NR2C2: variants seen among roughly 807,000 people sequenced by gnomAD.
NR2C2 encodes the protein nuclear receptor subfamily 2 group C member 2, also known as Nuclear hormone receptor TR4.
Under a neutral mutation model 62.9 loss-of-function variants are expected in NR2C2, and 6 were observed. The observed-to-expected ratio is 0.10, with a 90% CI of 0.05 to 0.19. The LOEUF (loss-of-function observed/expected upper bound fraction) is 0.19, where lower values mean the gene tolerates loss of function less well. NR2C2 is among the 10% of genes least tolerant of loss of function. NR2C2 has a pLI of 1.00. For missense variants in NR2C2, 479 were observed against 762.7 expected, an observed-to-expected ratio of 0.63 and a Z score of 4.38; for synonymous variants, 272 against 273.8, an observed-to-expected ratio of 0.99 and a Z score of 0.07.
At chr3:15,042,562 T>C (rs2042306068) in intron 13 of NR2C2, 1 of 332,416 alleles carries the variant, frequency 3.0e-6, no homozygotes, top group African/African-American at 2.1e-5. Flanking sequence ...TTGATGAATT[T>C]CCAGGTTTTC....
intron 11 of NR2C2, among the ~76,000 whole-genome samples, chr3:15,035,442 T>C (rs1221876072): frequency 6.6e-6 from 1 of 152,286 alleles, no homozygotes; most frequent in Non-Finnish European, 1.5e-5. Context: ...TCACAGCTGA[T>C]ATTTTCATCT....
chr3:15,021,715 C>G (rs2041671515), intron 5 of NR2C2, among the ~76,000 whole-genome samples: 4 of 152,226 alleles, frequency 2.6e-5, no homozygotes, highest in Non-Finnish European at 5.9e-5. Context: ...GCCGAGGACC[C>G]AGGACTGCAG....
chr3:14,990,411 T>G (rs961128564), intron 1 of NR2C2, among the ~76,000 whole-genome samples: 1 of 152,212 alleles, frequency 6.6e-6, no homozygotes. Context: ...ACAAACTGTT[T>G]CAGCAGCTGG....
intron 11 of NR2C2, among the ~76,000 whole-genome samples, chr3:15,037,444 CAT>C (rs1312628206): frequency 6.6e-6 from 1 of 152,072 alleles, no homozygotes; most frequent in African/African-American, 2.4e-5. Context: ...AATGAAATAA[CAT>C]ATAAAATTGT....
chr3:15,032,776 A>G (rs760084674), intron 10 of NR2C2, among the ~76,000 whole-genome samples: 2 of 152,200 alleles, frequency 1.3e-5, no homozygotes, highest in Non-Finnish European at 2.9e-5. Context: ...AGGCAAGGGT[A>G]GTCCCCAGCA....
At chr3:15,017,035 C>T (rs916340949) in intron 4 of NR2C2, among the ~76,000 whole-genome samples, 8 of 152,182 alleles carry the variant, frequency 5.3e-5, no homozygotes, top group Non-Finnish European at 1.2e-4. Context: ...GGCCTGTGTT[C>T]TGTGATGGCT....
intron 5 of NR2C2, among the ~76,000 whole-genome samples, chr3:15,021,864 A>G (rs1020919459): frequency 2.0e-5 from 3 of 152,228 alleles, no homozygotes; most frequent in Non-Finnish European, 4.4e-5. Flanking sequence ...ATAAATGGAA[A>G]TGTATTTTTT....
intron 1 of NR2C2, among the ~76,000 whole-genome samples, chr3:14,956,593 G>A (rs1009626521): frequency 6.6e-6 from 1 of 152,048 alleles, no homozygotes; most frequent in Non-Finnish European, 1.5e-5. Context: ...GCCCAGGCTG[G>A]AGTGCAGTGG....
intron 1 of NR2C2, among the ~76,000 whole-genome samples, chr3:14,999,193 A>G (rs909702797): frequency 1.3e-5 from 2 of 152,110 alleles, no homozygotes; most frequent in Admixed American, 1.3e-4. Flanking sequence ...GCTCATGCCT[A>G]TAATCTCAGC....
chr3:14,983,945 A>G (rs112232824), intron 1 of NR2C2, among the ~76,000 whole-genome samples: 2,091 of 152,084 alleles, frequency 0.014, 51 homozygotes, highest in African/African-American at 0.048. Flanking sequence ...TTGGAGTGCA[A>G]TGGCGCGATC....
chr3:14,979,343 T>G (rs2040296629), intron 1 of NR2C2, among the ~76,000 whole-genome samples: 1 of 152,236 alleles, frequency 6.6e-6, no homozygotes, highest in African/African-American at 2.4e-5. Flanking sequence ...ATTTCATTAA[T>G]GTATCCATTC....
At chr3:14,997,627 A>G (rs1458248361) in intron 1 of NR2C2, among the ~76,000 whole-genome samples, 1 of 152,060 alleles carries the variant, frequency 6.6e-6, no homozygotes, top group Non-Finnish European at 1.5e-5. Context: ...TTTCTTAGCC[A>G]AGAGAGAGCT....
At chr3:14,956,136 C>G (rs1253115804) in intron 1 of NR2C2, among the ~76,000 whole-genome samples, 1 of 152,160 alleles carries the variant, frequency 6.6e-6, no homozygotes, top group Admixed American at 6.6e-5. Context: ...CTAAACTTAA[C>G]CTTAGAGGCA....
At chr3:15,028,899 A>G (rs1196177284) in intron 8 of NR2C2, among the ~76,000 whole-genome samples, 180 bp downstream of exon 8, 1 of 152,214 alleles carries the variant, frequency 6.6e-6, no homozygotes, top group Non-Finnish European at 1.5e-5. Flanking sequence ...AGACCCACCT[A>G]TGTTATACAG....
intron 2 of NR2C2, among the ~76,000 whole-genome samples, chr3:15,012,525 TG>T (rs1207199592): frequency 6.9e-6 from 1 of 145,892 alleles, no homozygotes; most frequent in Non-Finnish European, 1.5e-5. Context: ...TGCGTCCGGC[TG>T]GAGTTCCATT....
chr3:14,978,143 C>T (rs1288258809), intron 1 of NR2C2, among the ~76,000 whole-genome samples: 1 of 152,118 alleles, frequency 6.6e-6, no homozygotes, highest in Non-Finnish European at 1.5e-5. Context: ...CATCAGCTAG[C>T]TTGATTTTAC....
chr3:15,034,555 A>G (rs1435157057), intron 10 of NR2C2, 115 bp from the exon 11 acceptor site: 1 of 1,063,504 alleles, frequency 9.4e-7, no homozygotes, highest in Admixed American at 2.2e-5. Context: ...GCACTTCAAT[A>G]AACACTTGCT....
chr3:14,954,447 C>G (rs1335058159), intron 1 of NR2C2, among the ~76,000 whole-genome samples: 1 of 152,100 alleles, frequency 6.6e-6, no homozygotes, highest in Non-Finnish European at 1.5e-5. Context: ...CATAGGAGCA[C>G]TAATCATAAG....
intron 1 of NR2C2, among the ~76,000 whole-genome samples, chr3:15,000,109 A>T (rs1159393558): frequency 7.9e-6 from 1 of 126,572 alleles, no homozygotes; most frequent in Non-Finnish European, 1.8e-5. Context: ...CAATAGGTCT[A>T]AAAAAAAAGA....
Sources: gnomAD v4.1 joint callset for allele counts (sites outside exome capture counted in the v4.1 genomes callset) on GRCh38, gnomAD v4.1.1 for gene constraint, MANE v1.5 for transcripts, NCBI Gene and HGNC (gene_info 2026-07-23, HGNC 2026-07-21) for gene names.